The following MYT1L variants were observed in gnomAD, a reference collection of about 807,000 sequenced individuals.
The protein encoded by MYT1L is myelin transcription factor 1 like, also known as myelin transcription factor 1-like protein.
In MYT1L, 12 loss-of-function variants were observed where a neutral mutation model predicts 126.7. The ratio of observed to expected loss-of-function variants is 0.09; its 90% CI spans 0.06 to 0.15. The LOEUF is 0.15. Among genes scored for constraint, MYT1L ranks in the 10% least tolerant of loss-of-function variants. The probability of loss-of-function intolerance (pLI) is 1.00; values close to 1 mark genes in which losing one functional copy is unlikely to be tolerated. For missense variants in MYT1L, 979 were observed against 1,585.2 expected (o/e 0.62, Z 6.49); for synonymous variants, 541 against 604.2 (o/e 0.90, Z 1.53).
At chr2:1,905,836 A>G (rs1558348004) in intron 13 of MYT1L, among the ~76,000 whole-genome samples, 1 of 152,244 alleles carries the variant, frequency 6.6e-6, no homozygotes, top group Non-Finnish European at 1.5e-5. Context: ...TGTGCAAACA[A>G]TATTTTGATT....
At chr2:2,235,478 A>C (rs2149091471) in intron 2 of MYT1L, among the ~76,000 whole-genome samples, 1 of 152,272 alleles carries the variant, frequency 6.6e-6, no homozygotes, top group South Asian at 2.1e-4. Context: ...AGCATCCCTT[A>C]GTGGGGTCCC....
intron 1 of MYT1L, among the ~76,000 whole-genome samples, chr2:2,291,717 C>G (rs1308583051): frequency 6.6e-6 from 1 of 152,228 alleles, no homozygotes; most frequent in African/African-American, 2.4e-5. Context: ...ACAGCAGCTT[C>G]CCTTGCCACG....
rs1260591109 is a variant in MYT1L, at chr2:2,010,060, T to G, written c.-157-12713A>C. Among the ~76,000 whole-genome samples, 3 of 152,216 alleles carry G rather than the reference T, an allele frequency of 2.0e-5. No individual in the cohort carries two copies. In the East Asian group the frequency reaches 5.8e-4, roughly 29 times the overall value. On this transcript the variant is annotated intron_variant, in intron 4 of 24. Transcript: ENST00000647738. ...TTGAAACCAGCCTCCCATTGCATTTTAAAGATTATTCTAAAGCTGTGCAAA... is the reference window on the plus strand; with the variant it reads ...TTGAAACCAGCCTCCCATTGCATTTGAAAGATTATTCTAAAGCTGTGCAAA...
At chr2:1,864,145 G>T (rs2045120236) in intron 18 of MYT1L, among the ~76,000 whole-genome samples, 1 of 152,210 alleles carries the variant, frequency 6.6e-6, no homozygotes, top group Non-Finnish European at 1.5e-5. Flanking sequence ...GGGAAACAAA[G>T]ATGCCTCTTC....
rs149372601 is a variant in MYT1L, at chr2:2,126,472, G to A, written c.-304+46400C>T. On this transcript the variant is annotated intron_variant, in intron 3 of 24. Transcript: ENST00000647738. Reference sequence around the variant, plus strand: ...TGGGGTCTGGGGCCCAGAAAGAAGAGGGTCATGACCATGTTGTGCTTATCA... The same window carrying A: ...TGGGGTCTGGGGCCCAGAAAGAAGAAGGTCATGACCATGTTGTGCTTATCA... Among the ~76,000 whole-genome samples the A allele has an allele frequency of 4.0e-3, 611 of 152,266 alleles. 4 individuals carry two copies. Among genetic ancestry groups the A allele is most frequent in the African/African-American group, 0.014 (583 of 41,542 alleles).
chr2:2,190,913 G>C (rs1254231154), intron 2 of MYT1L, among the ~76,000 whole-genome samples: 2 of 152,160 alleles, frequency 1.3e-5, no homozygotes, highest in Non-Finnish European at 2.9e-5. Flanking sequence ...AGCCTCCCAA[G>C]TAGGTGGGAT....
chr2:2,328,927 A>C (rs949189089), intron 1 of MYT1L, among the ~76,000 whole-genome samples: 1 of 152,198 alleles, frequency 6.6e-6, no homozygotes, highest in Non-Finnish European at 1.5e-5. Context: ...GTGACCATGA[A>C]GGCTTCTCCT....
At chr2:2,120,278 A>T (rs980559537) in intron 3 of MYT1L, among the ~76,000 whole-genome samples, 2 of 152,090 alleles carry the variant, frequency 1.3e-5, no homozygotes, top group African/African-American at 4.8e-5. Flanking sequence ...GCTTAGGGTA[A>T]ATCACAAGCC....
chr2:2,207,608 G>A (rs2093363740), intron 2 of MYT1L, among the ~76,000 whole-genome samples: 3 of 152,150 alleles, frequency 2.0e-5, no homozygotes, highest in African/African-American at 7.2e-5. Context: ...ACTAAGCCTG[G>A]AACACTGAAA....
In MYT1L at chr2:1,832,941, G is replaced by A. The variant is rs77609262; in HGVS notation, c.3080+6208C>T. Among the ~76,000 whole-genome samples the A allele has an allele frequency of 3.3e-3, 506 of 152,324 alleles. 2 individuals are homozygous for A. Among genetic ancestry groups the A allele is most frequent in the African/African-American group, 0.012 (482 of 41,558 alleles). On this transcript the variant is annotated intron_variant, in intron 21 of 24. Transcript: ENST00000647738. ...TTCTCTCCTCTAAAGAGCAGGCCAC[G>A]GTACTCAACTTTGTAAACCAGACCT...
intron 21 of MYT1L, among the ~76,000 whole-genome samples, chr2:1,829,037 A>G (rs1040917531): frequency 1.3e-5 from 2 of 152,170 alleles, no homozygotes; most frequent in African/African-American, 4.8e-5. Flanking sequence ...AGAAGTCTCA[A>G]CAGCTGCAGA....
chr2:1,945,281 T>C (rs938324095), intron 8 of MYT1L, among the ~76,000 whole-genome samples: 5 of 152,106 alleles, frequency 3.3e-5, no homozygotes, highest in Admixed American at 3.3e-4. Context: ...GTTGGATAGG[T>C]GCGAAGCGGA....
intron 2 of MYT1L, among the ~76,000 whole-genome samples, chr2:2,208,623 A>G (rs78927192): frequency 0.13 from 19,189 of 152,294 alleles, 1,277 homozygotes; most frequent in South Asian, 0.19. Context: ...ACTTTAATTT[A>G]TAAATAACCT....
At chr2:2,175,697 A>G (rs183542699) in intron 2 of MYT1L, among the ~76,000 whole-genome samples, 74 of 152,314 alleles carry the variant, frequency 4.9e-4, no homozygotes, top group Admixed American at 1.2e-3. Flanking sequence ...CCTTGCCTCG[A>G]TACTGTCTGA....
chr2:2,239,022 C>A (rs1229568380), intron 2 of MYT1L, among the ~76,000 whole-genome samples: 6 of 152,236 alleles, frequency 3.9e-5, no homozygotes, highest in Non-Finnish European at 8.8e-5. Flanking sequence ...ACCCAGCCTA[C>A]TGGCCACACT....
At chr2:2,136,926 A>G (rs1314474867) in intron 3 of MYT1L, among the ~76,000 whole-genome samples, 1 of 152,228 alleles carries the variant, frequency 6.6e-6, no homozygotes, top group Non-Finnish European at 1.5e-5. Context: ...ACATGATTGT[A>G]TATCTAGAAA....
At chr2:1,998,974 C>T (rs535050688) in intron 4 of MYT1L, among the ~76,000 whole-genome samples, 11 of 152,322 alleles carry the variant, frequency 7.2e-5, no homozygotes, top group Admixed American at 2.0e-4. Flanking sequence ...ACATGCTCTA[C>T]ATGTGACCCA....
intron 1 of MYT1L, among the ~76,000 whole-genome samples, chr2:2,309,393 C>T (rs569571672): frequency 7.2e-5 from 11 of 151,924 alleles, no homozygotes; most frequent in African/African-American, 2.4e-4. Flanking sequence ...TCTGTCTATC[C>T]TCCACCTACA....
intron 19 of MYT1L, chr2:1,841,410 C>G (rs183246888): frequency 6.5e-6 from 1 of 152,760 alleles, no homozygotes; most frequent in East Asian, 1.9e-4. Context: ...GTAATCCGCC[C>G]CAGTGAGCTT....
Sources: allele counts gnomAD v4.1 joint callset (sites outside exome capture counted in the v4.1 genomes callset), GRCh38; gene constraint gnomAD v4.1.1; transcripts MANE v1.5; gene names NCBI Gene and HGNC (gene_info 2026-07-23, HGNC 2026-07-21).